The following SPIDR variants were observed in gnomAD, a reference collection of about 807,000 sequenced individuals.
SPIDR encodes the protein scaffold protein involved in DNA repair.
In SPIDR, 93 loss-of-function variants were observed where a neutral mutation model predicts 104.6. The ratio of observed to expected loss-of-function variants is 0.89; its 90% confidence interval spans 0.75 to 1.06. The LOEUF (loss-of-function observed/expected upper bound fraction) is 1.06, where lower values mean the gene tolerates loss of function less well. SPIDR is among the 50% of genes least tolerant of loss of function. The probability of loss-of-function intolerance (pLI) is 0.00; values close to 1 mark genes in which losing one functional copy is unlikely to be tolerated. For missense variants in SPIDR, 1,154 were observed against 1,111.2 expected, an observed-to-expected ratio of 1.04 and a Z score of -0.55; for synonymous variants, 431 against 416.9, an observed-to-expected ratio of 1.03 and a Z score of -0.41.
chr8:47,604,937 C>T lies in SPIDR; in HGVS notation c.1544+5741C>T, dbSNP rs938297788. Among the ~76,000 whole-genome samples, 4 of 152,134 alleles carry T rather than the reference C, an allele frequency of 2.6e-5. No individual in the cohort carries two copies. The South Asian group carries it at 8.3e-4, about 32-fold the overall frequency. On this transcript the variant is annotated intron_variant, in intron 10 of 19. Transcript: ENST00000297423. ...TGGTCAGTATGTATCTTTGTATGTA[C>T]ATTCATTTTGTTTGCGGGTGTCAGC...
chr8:47,708,558 G>C (rs192392107), intron 14 of SPIDR, among the ~76,000 whole-genome samples: 2 of 152,172 alleles, frequency 1.3e-5, no homozygotes, highest in East Asian at 3.9e-4. Context: ...TTACATGAGG[G>C]TTCACTCTTG....
intron 16 of SPIDR, among the ~76,000 whole-genome samples, chr8:47,726,864 C>T (rs2084320221): frequency 6.6e-6 from 1 of 152,128 alleles, no homozygotes; most frequent in African/African-American, 2.4e-5. Flanking sequence ...ACAGAAAAAG[C>T]ACAGACCTAA....
Position 47,440,395 on chromosome 8 carries a change from G to A in SPIDR, c.950G>A (p.Cys317Tyr), listed in dbSNP as rs2069183898. The A allele has an allele frequency of 6.2e-7, 1 of 1,614,124 alleles. No homozygotes were observed. The highest frequency in any genetic ancestry group is 8.5e-7 in the Non-Finnish European group (1 of 1,180,040). Residue 317 changes from cysteine to tyrosine, a missense_variant, in exon 8 of 20, where the codon TGT (cysteine) becomes TAT (tyrosine). By Grantham distance (194) the Cys-to-Tyr change is radical. Coordinates refer to ENST00000297423, the MANE Select transcript of SPIDR (RefSeq NM_001080394.4). ...HEECAMQVAM[C>Y]EQLLGSPATS... Reference sequence around the variant, plus strand: ...GAATGTGCCATGCAAGTTGCCATGTGTGAGCAGTTATTGGGGTCACCAGCC... The same window carrying A: ...GAATGTGCCATGCAAGTTGCCATGTATGAGCAGTTATTGGGGTCACCAGCC...
intron 5 of SPIDR, among the ~76,000 whole-genome samples, chr8:47,296,023 C>G (rs1378782667): frequency 2.6e-5 from 4 of 152,156 alleles, no homozygotes; most frequent in African/African-American, 9.7e-5. Context: ...ATCTGCATTT[C>G]CCTGGTGAGT....
intron 5 of SPIDR, among the ~76,000 whole-genome samples, chr8:47,330,090 G>C (rs1332252087): frequency 6.6e-6 from 1 of 152,044 alleles, no homozygotes; most frequent in Non-Finnish European, 1.5e-5. Context: ...AAGAAATTCT[G>C]TGTGTATATT....
At chr8:47,486,689 C>T (rs921022210) in intron 8 of SPIDR, among the ~76,000 whole-genome samples, 1 of 152,036 alleles carries the variant, frequency 6.6e-6, no homozygotes, top group Admixed American at 6.6e-5. Context: ...GAGTGGGGGC[C>T]GATATTCAAC....
chr8:47,586,999 A>G (rs1326210838), intron 8 of SPIDR, among the ~76,000 whole-genome samples: 1 of 152,112 alleles, frequency 6.6e-6, no homozygotes, highest in Non-Finnish European at 1.5e-5. Context: ...CGAACTCCCG[A>G]TCTCAGTTGA....
At chr8:47,423,880 T>A (rs2065983418) in intron 7 of SPIDR, among the ~76,000 whole-genome samples, 1 of 152,234 alleles carries the variant, frequency 6.6e-6, no homozygotes, top group Non-Finnish European at 1.5e-5. Flanking sequence ...TTTCTTTTTT[T>A]AAAAGAGGAA....
intron 8 of SPIDR, among the ~76,000 whole-genome samples, chr8:47,540,038 C>G (rs1277924882): frequency 6.6e-6 from 1 of 152,182 alleles, no homozygotes; most frequent in Non-Finnish European, 1.5e-5. Context: ...TCCAAGTTGA[C>G]TGTATTATTC....
chr8:47,408,903 C>T (rs541839451), intron 7 of SPIDR, among the ~76,000 whole-genome samples: 8 of 152,114 alleles, frequency 5.3e-5, no homozygotes, highest in East Asian at 3.9e-4. Flanking sequence ...GAATGAAATT[C>T]GGGACCGGGC....
intron 1 of SPIDR, among the ~76,000 whole-genome samples, chr8:47,270,495 A>G (rs1337131070): frequency 3.9e-5 from 6 of 151,912 alleles, no homozygotes; most frequent in South Asian, 2.1e-4. Context: ...ACTTTCTTCT[A>G]TTCCTGAGTT....
intron 10 of SPIDR, among the ~76,000 whole-genome samples, chr8:47,630,417 C>A (rs904817445): frequency 9.8e-5 from 15 of 152,308 alleles, no homozygotes; most frequent in South Asian, 2.1e-4. Context: ...TGACCTGGGG[C>A]AACTTACTTA....
chr8:47,466,969 GCTAGA>G (rs2074964271), intron 8 of SPIDR, among the ~76,000 whole-genome samples: 1 of 148,246 alleles, frequency 6.7e-6, no homozygotes, highest in African/African-American at 2.5e-5. Context: ...TAGACTGCTA[GCTAGA>G]CTAAACAGAA....
At chr8:47,567,972 G>T (rs2154404338) in intron 8 of SPIDR, among the ~76,000 whole-genome samples, 1 of 151,614 alleles carries the variant, frequency 6.6e-6, no homozygotes, top group Non-Finnish European at 1.5e-5. Context: ...TTTTTATGTA[G>T]AGATGGCGGT....
chr8:47,261,751 A>G (rs2032409506), intron 1 of SPIDR, among the ~76,000 whole-genome samples: 2 of 152,194 alleles, frequency 1.3e-5, no homozygotes, highest in African/African-American at 2.4e-5. Flanking sequence ...CTTCTTTACC[A>G]CTACCATGCT....
At chr8:47,311,961 C>T (rs1158168730) in intron 5 of SPIDR, among the ~76,000 whole-genome samples, 4 of 152,078 alleles carry the variant, frequency 2.6e-5, no homozygotes, top group Admixed American at 2.0e-4. Flanking sequence ...TGAGTGAGAA[C>T]ATGCGGTGTT....
intron 8 of SPIDR, among the ~76,000 whole-genome samples, chr8:47,540,663 A>G (rs1484503590): frequency 2.6e-5 from 4 of 151,708 alleles, no homozygotes; most frequent in Admixed American, 2.0e-4. Context: ...ACTACTTACC[A>G]CCCTCTGTGG....
intron 5 of SPIDR, among the ~76,000 whole-genome samples, chr8:47,299,649 T>C (rs1170621442): frequency 1.3e-5 from 2 of 152,216 alleles, no homozygotes; most frequent in Admixed American, 1.3e-4. Flanking sequence ...TATTGAGAGT[T>C]TTTAGCATGA....
intron 7 of SPIDR, among the ~76,000 whole-genome samples, chr8:47,420,124 A>G (rs564373585): frequency 5.9e-5 from 9 of 152,262 alleles, no homozygotes; most frequent in South Asian, 4.2e-4. Context: ...GTAGATGTCT[A>G]TTAGGTCCAC....
Sources: gnomAD v4.1 joint callset for allele counts (sites outside exome capture counted in the v4.1 genomes callset) on GRCh38, gnomAD v4.1.1 for gene constraint, MANE v1.5 for transcripts, NCBI Gene and HGNC (gene_info 2026-07-23, HGNC 2026-07-21) for gene names.